The following KANK1 variants were observed in gnomAD, a reference collection of about 807,000 sequenced individuals.
KANK1 encodes KN motif and ankyrin repeat domains 1.
In KANK1, 109 loss-of-function variants were observed where a neutral mutation model predicts 106.2. The observed-to-expected ratio is 1.03, with a 90% CI of 0.88 to 1.20. KANK1 has a LOEUF of 1.20. Ranked by LOEUF, KANK1 falls within the 50% of genes most tolerant of loss-of-function variation. The probability of loss-of-function intolerance (pLI) is 0.00; values close to 1 mark genes in which losing one functional copy is unlikely to be tolerated. For synonymous variants in KANK1, 873 were observed against 652.2 expected, an observed-to-expected ratio of 1.34 and a Z score of -5.16; for missense variants, 2,399 against 1,710.7, an observed-to-expected ratio of 1.40 and a Z score of -7.10.
chr9:667,010 T>C (rs1165557769), intron 1 of KANK1, among the ~76,000 whole-genome samples: 2 of 151,364 alleles, frequency 1.3e-5, no homozygotes, highest in Admixed American at 6.6e-5. Flanking sequence ...ATTTTTTTTT[T>C]TTTGAAGACT....
chr9:504,503 G>A (rs1322017826), upstream of KANK1, among the ~76,000 whole-genome samples: 2 of 151,082 alleles, frequency 1.3e-5, no homozygotes, highest in East Asian at 3.9e-4. Context: ...GGAGCAGCCG[G>A]GGCTTCGCCG....
At chr9:613,571 G>T (rs7046746) in intron 1 of KANK1, among the ~76,000 whole-genome samples, 74,247 of 151,826 alleles carry the variant, frequency 0.49, 19,131 homozygotes, top group South Asian at 0.58. Context: ...CTCCCCTGCT[G>T]TATGGAAAAT....
intron 1 of KANK1, among the ~76,000 whole-genome samples, chr9:542,075 C>T (rs1247131117): frequency 2.0e-5 from 3 of 150,576 alleles, no homozygotes; most frequent in Non-Finnish European, 3.0e-5. Context: ...GGCGACAGAG[C>T]GAGACTCCGT....
rs563749742 is a variant in KANK1 at position 628,308 on chromosome 9, C to T, written c.-83-48582C>T. Among the ~76,000 whole-genome samples the T allele has an allele frequency of 5.3e-5, 8 of 152,240 alleles. No individual in the cohort carries two copies. In the East Asian group the frequency reaches 7.7e-4, roughly 15 times the overall value. ...CTTCAGTGGGTAACTTGTCAGACCT[C>T]ATCTTGTTTTTGAGACTTTGGTTTC... On this transcript the variant is annotated intron_variant, in intron 1 of 11. Coordinates refer to ENST00000382297, the MANE Select transcript of KANK1 (RefSeq NM_015158.5).
At chr9:638,997 C>G (rs111240199) in intron 1 of KANK1, among the ~76,000 whole-genome samples, 8 of 152,254 alleles carry the variant, frequency 5.3e-5, no homozygotes, top group African/African-American at 1.2e-4. Flanking sequence ...AGTCAGTGAT[C>G]TAGAAGCTTC....
chr9:739,717 T>G (rs946324426), intron 8 of KANK1, among the ~76,000 whole-genome samples: 4 of 152,166 alleles, frequency 2.6e-5, no homozygotes, highest in African/African-American at 9.7e-5. Context: ...TCTTGGCAAA[T>G]TAAATAATTT....
chr9:659,466 A>G (rs1588654916), intron 1 of KANK1, among the ~76,000 whole-genome samples: 1 of 152,270 alleles, frequency 6.6e-6, no homozygotes, highest in East Asian at 1.9e-4. Flanking sequence ...AGTTCCCAGA[A>G]AATAATGCTG....
intron 1 of KANK1, among the ~76,000 whole-genome samples, chr9:560,227 T>C (rs983301607): frequency 6.6e-6 from 1 of 152,182 alleles, no homozygotes; most frequent in African/African-American, 2.4e-5. Flanking sequence ...TTGGGTAATG[T>C]TGTTGTTAGA....
intron 1 of KANK1, among the ~76,000 whole-genome samples, chr9:537,035 C>A (rs561021189): frequency 4.3e-4 from 65 of 152,192 alleles, no homozygotes; most frequent in African/African-American, 1.5e-3. Flanking sequence ...GACAAGGAAG[C>A]GAGAGAGAAG....
chr9:589,299 GGCAGAGCTGAATGT>G (rs2135501891), intron 1 of KANK1, among the ~76,000 whole-genome samples: 1 of 152,282 alleles, frequency 6.6e-6, no homozygotes, highest in South Asian at 2.1e-4. Flanking sequence ...AATGGTCAGT[GGCAGAGCTGAATGT>G]GTACTCTGGG....
intron 1 of KANK1, among the ~76,000 whole-genome samples, chr9:576,835 T>C (rs1235158127): frequency 6.6e-6 from 1 of 152,118 alleles, no homozygotes; most frequent in East Asian, 1.9e-4. Context: ...GTTAAATAGA[T>C]TTCTATACTA....
intron 1 of KANK1, among the ~76,000 whole-genome samples, chr9:654,335 CAAG>C (rs1841608592): frequency 1.3e-5 from 2 of 152,138 alleles, no homozygotes; most frequent in Non-Finnish European, 2.9e-5. Flanking sequence ...TTGCTGAAGA[CAAG>C]AATCAGTTGA....
intron 1 of KANK1, among the ~76,000 whole-genome samples, chr9:644,029 T>C (rs1839111015): frequency 6.6e-6 from 1 of 150,740 alleles, no homozygotes; most frequent in African/African-American, 2.5e-5. Context: ...TGTGAGAAAA[T>C]GTATGTCCTA....
At chr9:616,681 A>T (rs1389958230) in intron 1 of KANK1, among the ~76,000 whole-genome samples, 3 of 152,104 alleles carry the variant, frequency 2.0e-5, no homozygotes, top group Non-Finnish European at 4.4e-5. Context: ...AGTGGCTTTC[A>T]ACAACACACA....
chr9:531,879 G>C (rs1404988098), intron 1 of KANK1, among the ~76,000 whole-genome samples: 1 of 152,156 alleles, frequency 6.6e-6, no homozygotes, highest in Non-Finnish European at 1.5e-5. Flanking sequence ...GGGCCAGATT[G>C]TTGTTGTGTT....
At chr9:654,259 G>A (rs551847084) in intron 1 of KANK1, among the ~76,000 whole-genome samples, 5 of 152,272 alleles carry the variant, frequency 3.3e-5, no homozygotes, top group South Asian at 4.1e-4. Context: ...ACTGGTCCAC[G>A]GCCAGACTTT....
intron 1 of KANK1, among the ~76,000 whole-genome samples, chr9:530,379 A>T (rs1182560181): frequency 6.6e-6 from 1 of 152,120 alleles, no homozygotes; most frequent in African/African-American, 2.4e-5. Context: ...TAAATTATTT[A>T]TCCATATTGA....
At position 692,732 on chromosome 9, in the gene KANK1, G is replaced by C. The variant is rs1262526440; in HGVS notation, c.37+15723G>C. The stretch of plus-strand genomic sequence containing the variant: ...TGCTTTTGAAAAAAAAAAAAATTCT[G>C]GGCCATGTGTGGTGGTTCATGCCTG... On this transcript the variant is annotated intron_variant, in intron 2 of 11. Coordinates refer to ENST00000382297, the MANE Select transcript of KANK1 (RefSeq NM_015158.5). Among the ~76,000 whole-genome samples the C allele has an allele frequency of 4.6e-5, 7 of 151,846 alleles. 1 individual carries two copies. The highest frequency in any genetic ancestry group is 1.7e-4 in the African/African-American group (7 of 41,328).
intron 1 of KANK1, among the ~76,000 whole-genome samples, chr9:658,655 A>G (rs914760292): frequency 1.3e-5 from 2 of 152,048 alleles, no homozygotes; most frequent in African/African-American, 2.4e-5. Context: ...TAACTTTTGT[A>G]TAAGACAGAC....
Sources: allele counts gnomAD v4.1 joint callset (sites outside exome capture counted in the v4.1 genomes callset), GRCh38; gene constraint gnomAD v4.1.1; transcripts MANE v1.5; gene names NCBI Gene and HGNC (gene_info 2026-07-23, HGNC 2026-07-21).